Variants in KCNK9 observed in about 807,000 individuals in gnomAD.
KCNK9 encodes potassium two pore domain channel subfamily K member 9.
Under a neutral mutation model 10.8 loss-of-function variants are expected in KCNK9, and 1 was observed. The ratio of observed to expected loss-of-function variants is 0.09; its 90% confidence interval spans 0.03 to 0.44. The LOEUF is 0.44. KCNK9 is among the 20% of genes least tolerant of loss of function. The pLI, the probability that KCNK9 is intolerant of heterozygous loss-of-function variation, is 0.97. For missense variants in KCNK9, 303 were observed against 515.0 expected (o/e 0.59, Z 3.98); for synonymous variants, 231 against 222.7 (o/e 1.04, Z -0.33).
intron 1 of KCNK9, among the ~76,000 whole-genome samples, chr8:139,669,117 T>TAA (rs11457017): frequency 1.6e-3 from 238 of 149,740 alleles, no homozygotes; most frequent in South Asian, 3.6e-3. Flanking sequence ...ACTCTACTGC[T>TAA]AAAAAAAAAA....
chr8:139,699,558 G>T (rs767604607), intron 1 of KCNK9, among the ~76,000 whole-genome samples: 1 of 152,200 alleles, frequency 6.6e-6, no homozygotes, highest in African/African-American at 2.4e-5. Context: ...GCTACAAGTG[G>T]CACAGACATC....
At position 139,702,453 on chromosome 8, in the gene KCNK9, G is replaced by A. The variant is rs1397084546; in HGVS notation, c.283+257C>T. Among the ~76,000 whole-genome samples the A allele has an allele frequency of 6.6e-6, 1 of 152,174 alleles. No homozygotes were observed. The highest frequency in any genetic ancestry group is 1.5e-5 in the Non-Finnish European group (1 of 68,024). On this transcript the variant is annotated intron_variant, in intron 1 of 1. Transcript: ENST00000520439. The surrounding 1 kb of genome is among the most constrained non-coding windows in gnomAD (Gnocchi z 7.5). ...TGGCGCCTCCGCCCTCCCGGCTCAG[G>A]CACACTCGCTCGGGGCTCGCACGCC...
intron 1 of KCNK9, among the ~76,000 whole-genome samples, chr8:139,666,473 G>A (rs899035037): frequency 2.6e-5 from 4 of 152,232 alleles, no homozygotes; most frequent in East Asian, 1.9e-4. Flanking sequence ...TCAGAACACT[G>A]TGGTCATCCC....
chr8:139,647,623 C>G (rs72681259), intron 1 of KCNK9, among the ~76,000 whole-genome samples: 4,044 of 152,224 alleles, frequency 0.027, 88 homozygotes, highest in Non-Finnish European at 0.041. Context: ...GGCATAGAGG[C>G]CAGGATGGCC....
At chr8:139,661,632 G>T (rs1486434844) in intron 1 of KCNK9, among the ~76,000 whole-genome samples, 1 of 152,190 alleles carries the variant, frequency 6.6e-6, no homozygotes, top group African/African-American at 2.4e-5. Flanking sequence ...ACCAGCCCAG[G>T]CTGACGGCCC....
intron 1 of KCNK9, among the ~76,000 whole-genome samples, chr8:139,660,840 C>T (rs936887293): frequency 1.3e-5 from 2 of 152,092 alleles, no homozygotes; most frequent in African/African-American, 2.4e-5. Context: ...AGAGAGGTCA[C>T]ATCACCTGCC....
intron 2 of KCNK9, among the ~76,000 whole-genome samples, chr8:139,605,965 A>G (rs2471089): frequency 0.65 from 99,254 of 152,038 alleles, 33,465 homozygotes; most frequent in East Asian, 0.95. Flanking sequence ...TGAAGGTGCC[A>G]TCTCCACAGA....
At chr8:139,632,481 C>A (rs1307166884) in intron 1 of KCNK9, among the ~76,000 whole-genome samples, 1 of 152,166 alleles carries the variant, frequency 6.6e-6, no homozygotes, top group Non-Finnish European at 1.5e-5. Context: ...CAGTGTCTAC[C>A]CACATATGTG....
chr8:139,700,142 C>G (rs1220886521), intron 1 of KCNK9, among the ~76,000 whole-genome samples: 1 of 152,184 alleles, frequency 6.6e-6, no homozygotes, highest in Admixed American at 6.5e-5. Context: ...AATTTGAACT[C>G]TTGTGCTAAA....
chr8:139,700,240 C>T (rs545090565), intron 1 of KCNK9, among the ~76,000 whole-genome samples: 119 of 152,310 alleles, frequency 7.8e-4, no homozygotes, highest in African/African-American at 2.8e-3. Context: ...CCACACTGTG[C>T]CTGGCAGCTG....
chr8:139,621,187 A>C (rs1814764496), intron 1 of KCNK9, among the ~76,000 whole-genome samples: 1 of 151,846 alleles, frequency 6.6e-6, no homozygotes, highest in African/African-American at 2.4e-5. Flanking sequence ...ACTACACAGG[A>C]GGCTGAGGCA....
chr8:139,668,849 C>T (rs1158444151), intron 1 of KCNK9, among the ~76,000 whole-genome samples: 1 of 152,186 alleles, frequency 6.6e-6, no homozygotes, highest in Non-Finnish European at 1.5e-5. Context: ...CTGCACATGT[C>T]ATTTCTCTTT....
At chr8:139,682,108 G>T (rs575247669) in intron 1 of KCNK9, among the ~76,000 whole-genome samples, 2 of 152,196 alleles carry the variant, frequency 1.3e-5, no homozygotes, top group African/African-American at 2.4e-5. Flanking sequence ...GAAGCCCTCC[G>T]AATGGGACCA....
intron 1 of KCNK9, among the ~76,000 whole-genome samples, chr8:139,659,678 A>AT (rs543890522): frequency 0.21 from 27,537 of 132,950 alleles, 4,508 homozygotes; most frequent in East Asian, 0.53. Context: ...TGCCCAGCTA[A>AT]TTTTTTTTTT....
downstream of KCNK9, among the ~76,000 whole-genome samples, chr8:139,609,593 A>G (rs142644987): frequency 1.5e-3 from 233 of 152,360 alleles, 1 homozygote; most frequent in African/African-American, 5.4e-3. Context: ...GCTGCTCTGC[A>G]GATACTGATG....
chr8:139,689,404 T>C (rs1816886716), intron 1 of KCNK9, among the ~76,000 whole-genome samples: 1 of 152,076 alleles, frequency 6.6e-6, no homozygotes, highest in Admixed American at 6.5e-5. Context: ...AAGGAAATCA[T>C]GGTGAGGAGT....
At chr8:139,648,733 C>T (rs114383625) in intron 1 of KCNK9, among the ~76,000 whole-genome samples, 2,815 of 152,318 alleles carry the variant, frequency 0.018, 87 homozygotes, top group African/African-American at 0.063. Context: ...CCTCAAAGAG[C>T]CCACCACCAG....
chr8:139,636,173 G>C (rs1312269256), intron 1 of KCNK9, among the ~76,000 whole-genome samples: 2 of 152,238 alleles, frequency 1.3e-5, no homozygotes, highest in Non-Finnish European at 2.9e-5. Context: ...CAGCACCAAT[G>C]ATATTCTTCT....
chr8:139,640,109 G>C (rs1815456880), intron 1 of KCNK9, among the ~76,000 whole-genome samples: 1 of 152,194 alleles, frequency 6.6e-6, no homozygotes, highest in African/African-American at 2.4e-5. Flanking sequence ...GGCTCGGATA[G>C]ATCTTGGGCC....
Sources: gnomAD v4.1 joint callset for allele counts (sites outside exome capture counted in the v4.1 genomes callset) on GRCh38, gnomAD v4.1.1 for gene constraint, Gnocchi (gnomAD v3.1) non-coding constraint, MANE v1.5 for transcripts, NCBI Gene and HGNC (gene_info 2026-07-23, HGNC 2026-07-21) for gene names.